The following AGO4 variants were observed in gnomAD, a reference collection of about 807,000 sequenced individuals.
The protein encoded by AGO4 is argonaute RISC component 4.
A neutral mutation model predicts 104.7 loss-of-function variants in AGO4; 33 were observed. The ratio of observed to expected loss-of-function variants is 0.32; its 90% CI spans 0.24 to 0.42. The LOEUF (loss-of-function observed/expected upper bound fraction) is 0.42, where lower values mean the gene tolerates loss of function less well. AGO4 is among the 10% of genes least tolerant of loss of function. AGO4 has a pLI of 1.00. For synonymous variants in AGO4, 331 were observed against 364.7 expected (o/e 0.91, Z 1.05); for missense variants, 711 against 1,083.4 (o/e 0.66, Z 4.83).
chr1:35,831,993 A>G, intron 9 of AGO4, 62 bp downstream of exon 9: 4 of 1,605,826 alleles, frequency 2.5e-6, no homozygotes, highest in Non-Finnish European at 3.4e-6. Flanking sequence ...AAAAGAATAG[A>G]AAACTCCTCC....
rs1643730241 is a variant in AGO4 at position 35,816,988 on chromosome 1, A to T, written c.126A>T (p.Ile42=). The change falls in exon 2 of 18, where the codon ATA becomes ATT. Residue 42 remains isoleucine (I), a synonymous_variant. Coordinates refer to ENST00000373210, the MANE Select transcript of AGO4 (RefSeq NM_017629.4). ...ANHFQVQIPK[I]DVYHYDVDIK... is the part of the protein sequence containing the mutation. ...ATTTTCAGGTTCAGATTCCTAAAAT[A>T]GATGTGTATCACTATGATGTGGATA... The T allele has an allele frequency of 5.0e-6, 8 of 1,614,102 alleles. No individual in the cohort carries two copies. The highest frequency in any genetic ancestry group is 6.8e-6 in the Non-Finnish European group (8 of 1,179,982).
intron 1 of AGO4, among the ~76,000 whole-genome samples, chr1:35,810,014 C>T (rs1158789694): frequency 6.7e-6 from 1 of 150,174 alleles, no homozygotes; most frequent in Non-Finnish European, 1.5e-5. Context: ...ATATTAGGCA[C>T]TGCCCAGGGA....
chr1:35,823,180 A>G (rs548164552), intron 3 of AGO4, among the ~76,000 whole-genome samples, 198 bp downstream of exon 3: 9 of 152,176 alleles, frequency 5.9e-5, no homozygotes, highest in Non-Finnish European at 1.2e-4. Context: ...TACAACTGTC[A>G]TATATCAATT....
Position 35,841,312 on chromosome 1 carries a change from G to C in AGO4, c.1872G>C (p.Gln624His). 6.2e-7 allele frequency: 1 copy of C among 1,614,194 alleles called. No homozygotes were observed. Among genetic ancestry groups the C allele is most frequent in the Non-Finnish European group, 8.5e-7 (1 of 1,180,034 alleles). Reference protein sequence around the residue: ...PSRYCATVRVQTSRQEISQEL... With the variant: ...PSRYCATVRVHTSRQEISQEL... The stretch of plus-strand genomic sequence containing the variant: ...GGTACTGTGCCACCGTTCGGGTGCA[G>C]ACTTCCCGGCAGGAGATCTCCCAAG... Residue 624 changes from glutamine to histidine, a missense_variant, in exon 14 of 18, where the codon CAG becomes CAC. Physicochemically the swap from Gln to His is conservative, Grantham distance 24 (BLOSUM62 0). Transcript: ENST00000373210. The surrounding 1 kb of genome is among the most constrained non-coding windows in gnomAD (Gnocchi z 4.7).
At chr1:35,831,137 G>A (rs555114840) in intron 7 of AGO4, among the ~76,000 whole-genome samples, 20 of 152,096 alleles carry the variant, frequency 1.3e-4, no homozygotes, top group African/African-American at 3.6e-4. Context: ...CGAGGTGGGC[G>A]GATCACTTGA....
At chr1:35,820,253 A>G (rs916310412) in intron 2 of AGO4, among the ~76,000 whole-genome samples, 11 of 152,220 alleles carry the variant, frequency 7.2e-5, no homozygotes, top group African/African-American at 1.9e-4. Flanking sequence ...AGAAAGGGGA[A>G]GAGGAATTAC....
In AGO4 at chr1:35,846,737, A is replaced by G. The variant is rs550776647; in HGVS notation, c.2176-3420A>G. Among the ~76,000 whole-genome samples the G allele has an allele frequency of 1.9e-4, 29 of 152,074 alleles. No homozygotes were observed. In the East Asian group the frequency reaches 5.2e-3, roughly 27 times the overall value. ...AGTGTTGGCATTACAGGCATAAGCC[A>G]CCATACCTGGCCCTAGTTTTGACAA... On this transcript the variant is annotated intron_variant, in intron 15 of 17. Coordinates refer to ENST00000373210, the MANE Select transcript of AGO4 (RefSeq NM_017629.4).
rs576598070 is a variant in AGO4 at position 35,853,033 on chromosome 1, G to A, written c.2478-464G>A. On this transcript the variant is annotated intron_variant, in intron 17 of 17. Coordinates refer to ENST00000373210, the MANE Select transcript of AGO4 (RefSeq NM_017629.4). ...TGGGAGGCCGAGGCAGGCGGATCAC[G>A]AGGTCAGGAGATCGAGACCATCCTG... 3.1e-4 allele frequency among the ~76,000 whole-genome samples: 47 copies of A among 152,218 alleles called. 1 individual carries two copies. The South Asian group carries it at 9.3e-3, about 30-fold the overall frequency.
rs1644184203 is a variant in AGO4 at position 35,831,469 on chromosome 1, A to G, written c.891A>G (p.Thr297=). The G allele has an allele frequency of 4.3e-6, 7 of 1,614,132 alleles. No individual in the cohort carries two copies. The highest frequency in any genetic ancestry group is 5.1e-6 in the Non-Finnish European group (6 of 1,179,976). ...AAAACGGTCAAGCTATGGAATGTAC[A>G]GTAGCTCAATATTTTAAGCAAAAGT... The part of the protein sequence containing the change: ...QLENGQAMEC[T]VAQYFKQKYS... The change falls in exon 8 of 18, where the codon ACA becomes ACG. Residue 297 remains threonine, a synonymous_variant. Transcript: ENST00000373210.
intron 15 of AGO4, among the ~76,000 whole-genome samples, chr1:35,844,458 A>C (rs1468799446): frequency 6.6e-6 from 1 of 152,086 alleles, no homozygotes; most frequent in Non-Finnish European, 1.5e-5. Context: ...TCTGTTCCAC[A>C]CCTTTATACT....
At chr1:35,824,508 A>G (rs1283478900) in intron 3 of AGO4, among the ~76,000 whole-genome samples, 2 of 151,534 alleles carry the variant, frequency 1.3e-5, no homozygotes, top group African/African-American at 2.4e-5. Context: ...AAAATTTACT[A>G]TTTTTGGCTG....
At chr1:35,818,658 A>AAAGAAAGAAAGAAAGAAAGAAAGGAAGG (rs1553144552) in intron 2 of AGO4, among the ~76,000 whole-genome samples, 1 of 61,574 alleles carries the variant, frequency 1.6e-5, no homozygotes. Context: ...AGAAAGAAAG[A>AAAGAAAGAAAGAAAGAAAGAAAGGAAGG]AAGGAAGAAA....
intron 1 of AGO4, among the ~76,000 whole-genome samples, chr1:35,816,070 T>C (rs557423008): frequency 1.5e-4 from 23 of 152,316 alleles, no homozygotes; most frequent in South Asian, 1.2e-3. Flanking sequence ...GGTCTAGCTT[T>C]ATTGGTATTG....
chr1:35,841,596 A>G lies in AGO4; in HGVS notation c.2041-20A>G. On this transcript the variant is annotated intron_variant, in intron 14 of 17. Coordinates refer to ENST00000373210, the MANE Select transcript of AGO4 (RefSeq NM_017629.4). This position sits in a 1 kb window ranked among gnomAD's most constrained non-coding sequence, Gnocchi z 4.7. ...CTAGGCAAATTCTCAATTAAACATAATTCCATTTCTGTCTTCTAGGTAGCT... is the reference window on the plus strand; with the variant it reads ...CTAGGCAAATTCTCAATTAAACATAGTTCCATTTCTGTCTTCTAGGTAGCT... The G allele has an allele frequency of 6.2e-7, 1 of 1,613,992 alleles. No homozygotes were observed. The highest frequency in any genetic ancestry group is 8.5e-7 in the Non-Finnish European group (1 of 1,179,940).
chr1:35,824,448 T>C (rs1643962223), intron 3 of AGO4, among the ~76,000 whole-genome samples: 3 of 152,122 alleles, frequency 2.0e-5, no homozygotes. Context: ...TCTACCTTAT[T>C]ATTTTTTTTC....
chr1:35,831,723 C>T, intron 8 of AGO4, 89 bp from the exon 9 acceptor site: 1 of 1,554,356 alleles, frequency 6.4e-7, no homozygotes, highest in Non-Finnish European at 8.7e-7. Flanking sequence ...TTTAATTTTT[C>T]TGGAAATAGA....
Position 35,857,372 on chromosome 1 carries a change from A to T in AGO4, c.*3767A>T, listed in dbSNP as rs779591562. On this transcript the variant is annotated 3_prime_UTR_variant, in exon 18 of 18. Transcript: ENST00000373210. ...CTTATGCCTTGCTATTGACATATTC[A>T]TGCTCTTTCTACGTCTAGTGGCTGA... 4.6e-5 allele frequency: 7 copies of T among 152,186 alleles called. No homozygotes were observed. The highest frequency in any genetic ancestry group is 7.3e-5 in the Non-Finnish European group (5 of 68,032). The allele number at this position is 152,186 out of a possible 1,614,324, so 9.4% of individuals were successfully genotyped here.
chr1:35,827,882 G>T (rs769329283), intron 7 of AGO4, among the ~76,000 whole-genome samples: 2 of 146,832 alleles, frequency 1.4e-5, no homozygotes, highest in Non-Finnish European at 3.0e-5. Flanking sequence ...CTTCCAAGTA[G>T]TGGGATTACA....
chr1:35,849,518 CAAAA>C (rs754902083), intron 15 of AGO4, among the ~76,000 whole-genome samples: 1 of 59,394 alleles, frequency 1.7e-5, no homozygotes. Context: ...CCCCGTGTCT[CAAAA>C]AAAAAAAAAA....
Sources: allele counts gnomAD v4.1 joint callset (sites outside exome capture counted in the v4.1 genomes callset), GRCh38; gene constraint gnomAD v4.1.1; non-coding constraint Gnocchi (gnomAD v3.1); transcripts MANE v1.5; gene names NCBI Gene and HGNC (gene_info 2026-07-23, HGNC 2026-07-21).